Variants in APBB1IP observed in about 807,000 individuals in gnomAD.
APBB1IP encodes the protein amyloid beta precursor protein binding family B member 1 interacting protein.
Under a neutral mutation model 64.9 loss-of-function variants are expected in APBB1IP, and 27 were observed. The ratio of observed to expected loss-of-function variants is 0.42; its 90% confidence interval spans 0.31 to 0.57. The LOEUF (loss-of-function observed/expected upper bound fraction) is 0.57. Ranked by LOEUF, APBB1IP falls within the 20% of genes least tolerant of loss-of-function variation. APBB1IP has a pLI of 0.20. For synonymous variants in APBB1IP, 392 were observed against 331.0 expected, an observed-to-expected ratio of 1.18 and a Z score of -2.00; for missense variants, 812 against 845.5, an observed-to-expected ratio of 0.96 and a Z score of 0.49.
chr10:26,530,368 C>T (rs34544020), intron 8 of APBB1IP, among the ~76,000 whole-genome samples: 15,852 of 151,506 alleles, frequency 0.1, 1,091 homozygotes, highest in East Asian at 0.21. Context: ...CGGCTCTGTA[C>T]TTAAGAGTAT....
rs386361721 is a variant in APBB1IP, at chr10:26,469,258, CTTT to C, written c.1-23052_1-23050del. On this transcript the variant is annotated intron_variant, in intron 2 of 14. Coordinates refer to ENST00000376236, the MANE Select transcript of APBB1IP (RefSeq NM_019043.4). ...GTGTTTTCTTTCCTTCTTTTCTTTTCTTTTTTTTTTTTTTTTTTTGAGACAGAG... is the reference window on the plus strand; with the variant it reads ...GTGTTTTCTTTCCTTCTTTTCTTTTCTTTTTTTTTTTTTTTTGAGACAGAG... 5.4e-3 allele frequency among the ~76,000 whole-genome samples: 613 copies of C among 112,892 alleles called. 2 individuals are homozygous for C. The highest frequency in any genetic ancestry group is 0.019 in the African/African-American group (547 of 28,114). 74.1% of individuals were successfully genotyped at this position (112,892 alleles called of 152,430 possible). A position where few individuals can be genotyped will look rare whatever the true frequency, so the allele number is the denominator to read the frequency against.
intron 4 of APBB1IP, among the ~76,000 whole-genome samples, chr10:26,498,545 T>G (rs1201221892): frequency 2.0e-5 from 3 of 152,166 alleles, no homozygotes; most frequent in Non-Finnish European, 4.4e-5. Context: ...AGTAAAATTA[T>G]GATGGCAATA....
intron 6 of APBB1IP, among the ~76,000 whole-genome samples, chr10:26,504,577 G>A (rs1836150430): frequency 6.6e-6 from 1 of 152,038 alleles, no homozygotes; most frequent in African/African-American, 2.4e-5. Context: ...GGACGCAGCG[G>A]TGTGCATCTG....
At chr10:26,446,822 T>C (rs1835403505) in intron 2 of APBB1IP, among the ~76,000 whole-genome samples, 1 of 151,872 alleles carries the variant, frequency 6.6e-6, no homozygotes, top group Non-Finnish European at 1.5e-5. Context: ...ATCACGCCAC[T>C]GCACTCCAGC....
At chr10:26,480,620 CTTTTTTTTTTTTTTT>C (rs535190399) in intron 2 of APBB1IP, among the ~76,000 whole-genome samples, 2 of 83,940 alleles carry the variant, frequency 2.4e-5, no homozygotes, top group South Asian at 4.4e-4. Context: ...TGAGCTGCTT[CTTTTTTTTTTTTTTT>C]TTTTTTTTTT....
At chr10:26,562,814 A>AAAT (rs1414839672) in intron 14 of APBB1IP, among the ~76,000 whole-genome samples, 6 of 152,046 alleles carry the variant, frequency 3.9e-5, no homozygotes, top group African/African-American at 7.2e-5. Context: ...ATAAATAAAT[A>AAAT]AATAAATAAA....
chr10:26,499,707 A>C (rs1381337607), intron 4 of APBB1IP, among the ~76,000 whole-genome samples: 1 of 152,162 alleles, frequency 6.6e-6, no homozygotes, highest in Non-Finnish European at 1.5e-5. Flanking sequence ...AACATTCAGG[A>C]TCACACATCT....
chr10:26,551,910 G>A (rs975557497), intron 11 of APBB1IP, among the ~76,000 whole-genome samples: 5 of 145,102 alleles, frequency 3.4e-5, no homozygotes, highest in African/African-American at 7.9e-5. Context: ...TGGATGGGTG[G>A]ATGGACAGAT....
chr10:26,516,348 G>A (rs1175522416), intron 8 of APBB1IP, among the ~76,000 whole-genome samples: 1 of 151,672 alleles, frequency 6.6e-6, no homozygotes, highest in Non-Finnish European at 1.5e-5. Flanking sequence ...GAGGTCAGGA[G>A]TTTGACCAAC....
rs1467787190 is a variant in APBB1IP at position 26,567,318 on chromosome 10, G to T, written c.1831G>T (p.Ala611Ser). ...PPPPPPAPAP[A>S]PVPDSARPPP... The stretch of plus-strand genomic sequence containing the variant: ...GCCGCCGCCGCCCGCGCCCGCGCCC[G>T]CCCCCGTCCCCGACTCCGCCAGGCC... The change falls in exon 15 of 15, where the codon GCC becomes TCC. Residue 611 changes from alanine (A) to serine (S), a missense_variant. This residue lies in a region of APBB1IP where 381 missense variants were observed against 352.1 expected (regional missense o/e 1.08). Transcript: ENST00000376236. The T allele has an allele frequency of 4.1e-6, 5 of 1,218,954 alleles. No individual in the cohort carries two copies. The highest frequency in any genetic ancestry group is 1.7e-5 in the African/African-American group (1 of 59,022). 75.5% of individuals were successfully genotyped at this position (1,218,954 alleles called of 1,614,324 possible).
chr10:26,450,498 T>C (rs1305615747), intron 2 of APBB1IP, among the ~76,000 whole-genome samples: 4 of 152,210 alleles, frequency 2.6e-5, no homozygotes, highest in Non-Finnish European at 5.9e-5. Context: ...ACAGCCACTG[T>C]GTTTTAGTCA....
chr10:26,459,417 T>G (rs1480549577), intron 2 of APBB1IP, among the ~76,000 whole-genome samples: 2 of 152,174 alleles, frequency 1.3e-5, no homozygotes, highest in Non-Finnish European at 2.9e-5. Flanking sequence ...TGTGTCTTTA[T>G]AGCAGCATGA....
intron 6 of APBB1IP, among the ~76,000 whole-genome samples, chr10:26,504,360 C>T (rs1281335057): frequency 6.6e-6 from 1 of 152,128 alleles, no homozygotes; most frequent in Non-Finnish European, 1.5e-5. Context: ...ATTGTAACAG[C>T]AGATACAGCT....
chr10:26,501,119 T>C lies in APBB1IP; in HGVS notation c.453+8T>C, dbSNP rs759553593. 6.2e-7 allele frequency: 1 copy of C among 1,614,178 alleles called. No homozygotes were observed. The highest frequency in any genetic ancestry group is 1.7e-5 in the Admixed American group (1 of 60,010). On this transcript the variant is annotated splice_region_variant and intron_variant, in intron 5 of 14. Transcript: ENST00000376236. ...CCTGAACCTCTCTCTCAGGTAAGTA[T>C]GTGGGACCAGAGATGGCAGGACCAT...
intron 4 of APBB1IP, among the ~76,000 whole-genome samples, chr10:26,497,347 C>A (rs535526799): frequency 5.3e-5 from 8 of 151,840 alleles, no homozygotes; most frequent in Admixed American, 4.6e-4. Context: ...GTCAGGAGAT[C>A]GAGACCATCC....
intron 2 of APBB1IP, among the ~76,000 whole-genome samples, chr10:26,481,981 G>A (rs1304359874): frequency 6.6e-6 from 1 of 151,930 alleles, no homozygotes; most frequent in Non-Finnish European, 1.5e-5. Flanking sequence ...GTTATTTACA[G>A]GTAACTTTTG....
In APBB1IP at chr10:26,567,287, G is replaced by C. The variant is rs1282864449; in HGVS notation, c.1800G>C (p.Pro600=). Residue 600 remains proline, a synonymous_variant, in exon 15 of 15, where the codon CCG becomes CCC. Coordinates refer to ENST00000376236, the MANE Select transcript of APBB1IP (RefSeq NM_019043.4). ...GGATCGCGGGCTCAGAGCTGCCCCCGCCGCCGCCGCCGCCGCCCGCGCCCG... is the reference window on the plus strand; with the variant it reads ...GGATCGCGGGCTCAGAGCTGCCCCCCCCGCCGCCGCCGCCGCCCGCGCCCG... ...YAGIAGSELP[P]PPPPPPAPAP... 15 of 892,198 alleles carry C rather than the reference G, an allele frequency of 1.7e-5. No homozygotes were observed. Among genetic ancestry groups the C allele is most frequent in the African/African-American group, 6.4e-5 (3 of 47,060 alleles). 55.3% of individuals were successfully genotyped at this position (892,198 alleles called of 1,614,324 possible).
intron 2 of APBB1IP, among the ~76,000 whole-genome samples, chr10:26,457,919 G>A (rs1835546325): frequency 6.6e-6 from 1 of 152,222 alleles, no homozygotes; most frequent in Non-Finnish European, 1.5e-5. Context: ...TGCTCTGAAA[G>A]GGTAAACTTG....
At chr10:26,452,502 T>A (rs999090651) in intron 2 of APBB1IP, among the ~76,000 whole-genome samples, 7 of 152,240 alleles carry the variant, frequency 4.6e-5, no homozygotes, top group Non-Finnish European at 8.8e-5. Context: ...CAATTCATGT[T>A]TTCAGAAGAC....
Sources: gnomAD v4.1 joint callset for allele counts (sites outside exome capture counted in the v4.1 genomes callset) on GRCh38, gnomAD v4.1.1 for gene constraint, gnomAD v4.1.1 regional missense constraint, MANE v1.5 for transcripts, NCBI Gene and HGNC (gene_info 2026-07-23, HGNC 2026-07-21) for gene names.